Variants in IKZF1 observed in about 807,000 individuals in gnomAD.
IKZF1 encodes the protein DNA-binding protein Ikaros.
Under a neutral mutation model 51.7 loss-of-function variants are expected in IKZF1, and 10 were observed. That is an observed-to-expected ratio of 0.19 (90% CI 0.12 to 0.33). IKZF1 has a LOEUF of 0.33. IKZF1 is among the 10% of genes least tolerant of loss of function. The pLI is 1.00. For missense variants in IKZF1, 484 were observed against 707.5 expected (o/e 0.68, Z 3.58); for synonymous variants, 280 against 282.3 (o/e 0.99, Z 0.08).
At chr7:50,319,753 G>A (rs1792644965) in intron 2 of IKZF1, among the ~76,000 whole-genome samples, 2 of 152,202 alleles carry the variant, frequency 1.3e-5, no homozygotes, top group South Asian at 4.1e-4. Flanking sequence ...AGCCCCAGTA[G>A]CAGCTTTCAT....
chr7:50,404,077 CA>C lies in IKZF1; in HGVS notation c.*3451del, dbSNP rs1767215300. ...GTACAGGCATCAGAAAAAAGAAGCA[CA>C]TAATGCTTTTGGTGCGATGGCACTC... On this transcript the variant is annotated 3_prime_UTR_variant, in exon 8 of 8. Coordinates refer to ENST00000331340, the MANE Select transcript of IKZF1 (RefSeq NM_006060.6). 4.6e-6 allele frequency: 1 copy of C among 215,152 alleles called. No individual in the cohort carries two copies. Among genetic ancestry groups the C allele is most frequent in the African/African-American group, 2.3e-5 (1 of 44,318 alleles). 13.3% of individuals were successfully genotyped at this position (215,152 alleles called of 1,614,324 possible). A position where few individuals can be genotyped will look rare whatever the true frequency, so the allele number is the denominator to read the frequency against.
At chr7:50,342,936 G>A (rs1042231144) in intron 3 of IKZF1, among the ~76,000 whole-genome samples, 3 of 152,228 alleles carry the variant, frequency 2.0e-5, no homozygotes, top group Non-Finnish European at 4.4e-5. Context: ...CGTCATGGAA[G>A]CTTTGATTGG....
At chr7:50,352,220 A>C (rs1032963787) in intron 3 of IKZF1, among the ~76,000 whole-genome samples, 2 of 152,242 alleles carry the variant, frequency 1.3e-5, no homozygotes, top group African/African-American at 4.8e-5. Flanking sequence ...GTCATTGTGC[A>C]TAGAGAGCTA....
chr7:50,356,018 T>G (rs748454453), intron 3 of IKZF1, among the ~76,000 whole-genome samples: 4 of 152,216 alleles, frequency 2.6e-5, no homozygotes, highest in Admixed American at 6.5e-5. Context: ...ATGCCACAGA[T>G]GGGTTAATTC....
intron 3 of IKZF1, among the ~76,000 whole-genome samples, chr7:50,338,585 T>G (rs1411294422): frequency 6.6e-6 from 1 of 152,208 alleles, no homozygotes; most frequent in Non-Finnish European, 1.5e-5. Context: ...ATTTTCTGAT[T>G]TGGGAAGTGT....
At chr7:50,397,196 T>C (rs746676033) in intron 7 of IKZF1, among the ~76,000 whole-genome samples, 1 of 152,144 alleles carries the variant, frequency 6.6e-6, no homozygotes, top group African/African-American at 2.4e-5. Flanking sequence ...TTCTAGTCTT[T>C]GAGTGTATGT....
In IKZF1 at chr7:50,334,043, G is replaced by C. The variant is rs1029400316; in HGVS notation, c.160+6286G>C. Among the ~76,000 whole-genome samples, 391 of 152,296 alleles carry C rather than the reference G, an allele frequency of 2.6e-3. 23 individuals carry two copies. The South Asian group carries it at 0.08, about 31-fold the overall frequency. Reference sequence around the variant, plus strand: ...GAGGCCATCATGTAACAGGTTCATTGCTTCGCATTTCAAAGTAAATTTTAA... The same window carrying C: ...GAGGCCATCATGTAACAGGTTCATTCCTTCGCATTTCAAAGTAAATTTTAA... On this transcript the variant is annotated intron_variant, in intron 3 of 7. Transcript: ENST00000331340.
chr7:50,338,977 A>T (rs976347749), intron 3 of IKZF1, among the ~76,000 whole-genome samples: 4 of 152,230 alleles, frequency 2.6e-5, no homozygotes, highest in African/African-American at 9.7e-5. Flanking sequence ...AGCCACCTAG[A>T]ATCAGCCAAC....
chr7:50,335,495 GTGTA>G (rs1797507612), intron 3 of IKZF1, among the ~76,000 whole-genome samples: 1 of 143,624 alleles, frequency 7.0e-6, no homozygotes, highest in Non-Finnish European at 1.5e-5. Flanking sequence ...TATGTGTGGT[GTGTA>G]TGTGTGTATG....
At position 50,401,019 on chromosome 7, in the gene IKZF1, G is replaced by A. The variant is rs1327684510; in HGVS notation, c.*392G>A. On this transcript the variant is annotated 3_prime_UTR_variant, in exon 8 of 8. Transcript: ENST00000331340. The stretch of plus-strand genomic sequence containing the variant: ...TGCTCTACCCTGTGCTAAGCACGGG[G>A]TTCGCGCACCAGGTGTCTTTTTCCA... The A allele has an allele frequency of 6.0e-6, 2 of 333,080 alleles. No homozygotes were observed. The highest frequency in any genetic ancestry group is 9.7e-5 in the Admixed American group (2 of 20,664). 20.6% of individuals were successfully genotyped at this position (333,080 alleles called of 1,614,324 possible).
rs557680482 is a variant in IKZF1, at chr7:50,315,559, G to T, written c.-14-3489G>T. Among the ~76,000 whole-genome samples, 2 of 152,240 alleles carry T rather than the reference G, an allele frequency of 1.3e-5. 1 individual carries two copies. Among genetic ancestry groups the T allele is most frequent in the Non-Finnish European group, 2.9e-5 (2 of 68,038 alleles). ...ATTCATGTTCATAAGAATTGCACAG[G>T]TAAAAGGTAGTTTGCTGATATTGTT... On this transcript the variant is annotated intron_variant, in intron 1 of 7. Coordinates refer to ENST00000331340, the MANE Select transcript of IKZF1 (RefSeq NM_006060.6).
intron 3 of IKZF1, among the ~76,000 whole-genome samples, chr7:50,335,790 A>G (rs1378523453): frequency 6.6e-6 from 1 of 151,976 alleles, no homozygotes; most frequent in African/African-American, 2.4e-5. Flanking sequence ...ATGTGTGCAC[A>G]TGCATGTGGC....
intron 3 of IKZF1, among the ~76,000 whole-genome samples, chr7:50,359,175 T>G (rs1318596900): frequency 6.6e-6 from 1 of 152,142 alleles, no homozygotes; most frequent in African/African-American, 2.4e-5. Flanking sequence ...ACAGGAGGAT[T>G]GCTTGAGCCC....
chr7:50,386,833 T>C (rs1168328484), intron 5 of IKZF1, among the ~76,000 whole-genome samples: 3 of 152,214 alleles, frequency 2.0e-5, no homozygotes. Context: ...TTGTCCAGCA[T>C]GGTTTCTTAG....
At chr7:50,307,206 T>C (rs1399430891) in intron 1 of IKZF1, among the ~76,000 whole-genome samples, 1 of 152,226 alleles carries the variant, frequency 6.6e-6, no homozygotes, top group African/African-American at 2.4e-5. Flanking sequence ...TACGTATTAA[T>C]GTAATGTAAC....
At chr7:50,368,490 A>C (rs868056887) in intron 3 of IKZF1, 1 of 599,702 alleles carries the variant, frequency 1.7e-6, no homozygotes, top group Non-Finnish European at 3.0e-6. Context: ...TATGCTCTTC[A>C]TCTGTGGTTC....
chr7:50,379,832 A>T (rs532916097), intron 4 of IKZF1, among the ~76,000 whole-genome samples: 1 of 152,330 alleles, frequency 6.6e-6, no homozygotes, highest in South Asian at 2.1e-4. Context: ...ATGACATAGT[A>T]TCCATGAAGA....
chr7:50,382,495 C>T lies in IKZF1; in HGVS notation c.422-45C>T, dbSNP rs373886179. The T allele has an allele frequency of 4.2e-4, 670 of 1,579,430 alleles. 5 individuals carry two copies. The African/African-American group carries it at 8.1e-3, about 19-fold the overall frequency. ...TTCTCGTAGCATCGTCCTCATGTCC[C>T]CACGCTGAGTTTAGTTCTCACCAGC... On this transcript the variant is annotated intron_variant, in intron 4 of 7. Coordinates refer to ENST00000331340, the MANE Select transcript of IKZF1 (RefSeq NM_006060.6).
intron 2 of IKZF1, among the ~76,000 whole-genome samples, chr7:50,323,302 T>C (rs1329287178): frequency 6.6e-6 from 1 of 152,196 alleles, no homozygotes; most frequent in Non-Finnish European, 1.5e-5. Flanking sequence ...TGATCCCCAC[T>C]TGGACCCTAG....
Sources: gnomAD v4.1 joint callset for allele counts (sites outside exome capture counted in the v4.1 genomes callset) on GRCh38, gnomAD v4.1.1 for gene constraint, MANE v1.5 for transcripts, NCBI Gene and HGNC (gene_info 2026-07-23, HGNC 2026-07-21) for gene names.